Variants in DOCK4 observed in about 807,000 individuals in gnomAD.
The protein encoded by DOCK4 is dedicator of cytokinesis protein 4.
In DOCK4, 97 loss-of-function variants were observed where a neutral mutation model predicts 268.1. The observed-to-expected ratio is 0.36, with a 90% CI of 0.31 to 0.43. The LOEUF is 0.43. Ranked by LOEUF, DOCK4 falls within the 20% of genes least tolerant of loss-of-function variation. The pLI, the probability that DOCK4 is intolerant of heterozygous loss-of-function variation, is 1.00. For synonymous variants in DOCK4, 954 were observed against 887.2 expected (o/e 1.08, Z -1.34); for missense variants, 2,145 against 2,455.7 (o/e 0.87, Z 2.67).
intron 1 of DOCK4, among the ~76,000 whole-genome samples, chr7:112,040,846 A>C (rs1804289210): frequency 6.6e-6 from 1 of 152,232 alleles, no homozygotes; most frequent in South Asian, 2.1e-4. Context: ...ATTGTGCATT[A>C]AATTTGTGCA....
chr7:112,141,176 T>C, intron 1 of DOCK4, among the ~76,000 whole-genome samples: 1 of 152,088 alleles, frequency 6.6e-6, no homozygotes, highest in Non-Finnish European at 1.5e-5. Context: ...AGCTCAGAAG[T>C]TCTCCAAGCT....
At chr7:111,980,874 G>T (rs998226987) in intron 7 of DOCK4, among the ~76,000 whole-genome samples, 1 of 152,186 alleles carries the variant, frequency 6.6e-6, no homozygotes, top group African/African-American at 2.4e-5. Flanking sequence ...AAACCTGCAG[G>T]CACAAATAGG....
At chr7:111,895,844 C>T in intron 15 of DOCK4, 126 bp from the exon 16 acceptor site, 1 of 840,590 alleles carries the variant, frequency 1.2e-6, no homozygotes, top group Non-Finnish European at 1.9e-6. Flanking sequence ...TGCAGCACAG[C>T]TTTTCTGATA....
At chr7:111,808,653 T>C in intron 30 of DOCK4, 168 bp downstream of exon 30, 2 of 618,898 alleles carry the variant, frequency 3.2e-6, no homozygotes, top group East Asian at 2.8e-5. Flanking sequence ...AAAGAATTTG[T>C]TGTAACCTCA....
intron 26 of DOCK4, among the ~76,000 whole-genome samples, chr7:111,833,310 G>A (rs2134019891): frequency 6.6e-6 from 1 of 152,280 alleles, no homozygotes; most frequent in Non-Finnish European, 1.5e-5. Context: ...AGGAGGCTGA[G>A]ATGGGAGGAT....
intron 2 of DOCK4, among the ~76,000 whole-genome samples, chr7:112,000,907 A>C (rs1284349462): frequency 6.6e-6 from 1 of 152,200 alleles, no homozygotes; most frequent in East Asian, 1.9e-4. Context: ...ATGAAAGGCC[A>C]CATTATGTCA....
At chr7:112,112,962 C>T (rs768021672) in intron 1 of DOCK4, among the ~76,000 whole-genome samples, 2 of 152,176 alleles carry the variant, frequency 1.3e-5, no homozygotes, top group Non-Finnish European at 2.9e-5. Flanking sequence ...TGTGAAACAG[C>T]TGACTGTGTA....
chr7:111,838,083 C>T (rs1394471879), intron 25 of DOCK4, among the ~76,000 whole-genome samples: 1 of 114,614 alleles, frequency 8.7e-6, no homozygotes, highest in African/African-American at 4.1e-5. Context: ...CGAAACCCTA[C>T]CTCAAAAAAA....
At position 111,943,285 on chromosome 7, in the gene DOCK4, T is replaced by A. The variant is rs187067571; in HGVS notation, c.844+1526A>T. 3.0e-4 allele frequency among the ~76,000 whole-genome samples: 46 copies of A among 152,324 alleles called. No homozygotes were observed. The East Asian group carries it at 6.2e-3, about 20-fold the overall frequency. On this transcript the variant is annotated intron_variant, in intron 10 of 52. Transcript: ENST00000428084. ...ACACCAAGCATTTGAAAGGCTGCCC[T>A]GTGATGGGCAGTACTACTGAGGCGG... is the stretch of plus-strand genomic sequence containing the variant.
At chr7:112,080,417 TAAAC>T (rs1295588852) in intron 1 of DOCK4, among the ~76,000 whole-genome samples, 7 of 152,210 alleles carry the variant, frequency 4.6e-5, no homozygotes, top group African/African-American at 1.2e-4. Flanking sequence ...AGTTTTTACA[TAAAC>T]AAAATTTTGA....
chr7:111,946,249 T>G (rs17159031), intron 8 of DOCK4, among the ~76,000 whole-genome samples: 1 of 152,196 alleles, frequency 6.6e-6, no homozygotes, highest in South Asian at 2.1e-4. Context: ...TTTATGGTCT[T>G]ATAAGTCTCC....
At chr7:111,760,096 G>A in intron 40 of DOCK4, 85 bp downstream of exon 40, 2 of 1,541,882 alleles carry the variant, frequency 1.3e-6, no homozygotes, top group Non-Finnish European at 1.8e-6. Context: ...AAAGGGACTG[G>A]TGGCTGAACA....
Position 112,206,284 on chromosome 7 carries a change from G to T in DOCK4, c.-146C>A. The T allele has an allele frequency of 4.6e-6, 4 of 863,796 alleles. No individual in the cohort carries two copies. The highest frequency in any genetic ancestry group is 2.7e-4 in the Middle Eastern group (1 of 3,654). The allele number at this position is 863,796 out of a possible 1,614,324, so 53.5% of individuals were successfully genotyped here. On this transcript the variant is annotated 5_prime_UTR_variant, in exon 1 of 53. Transcript: ENST00000428084. ...GCGGGCGCTGGGCAGGATCTGCGCT[G>T]GAGGCTCCCGAGCCCAGCGTTGACA... is the stretch of plus-strand genomic sequence containing the variant.
At chr7:111,816,761 T>C (rs1420110342) in intron 27 of DOCK4, among the ~76,000 whole-genome samples, 2 of 152,224 alleles carry the variant, frequency 1.3e-5, no homozygotes, top group Non-Finnish European at 2.9e-5. Flanking sequence ...TTATACTTGT[T>C]TGCCATATTA....
intron 10 of DOCK4, 113 bp downstream of exon 10, chr7:111,944,698 G>T: frequency 9.7e-7 from 1 of 1,029,216 alleles, no homozygotes; most frequent in Non-Finnish European, 1.5e-6. Flanking sequence ...ATTCAAATCT[G>T]GCTTTGATAT....
At chr7:112,097,605 G>A (rs1317354857) in intron 1 of DOCK4, among the ~76,000 whole-genome samples, 1 of 152,176 alleles carries the variant, frequency 6.6e-6, no homozygotes, top group African/African-American at 2.4e-5. Context: ...CTGGCCTTCT[G>A]TAGAATAAAC....
chr7:111,903,018 T>G (rs1791273846), intron 13 of DOCK4, among the ~76,000 whole-genome samples: 1 of 151,994 alleles, frequency 6.6e-6, no homozygotes, highest in Non-Finnish European at 1.5e-5. Flanking sequence ...TACTCTGTTT[T>G]CTAATAAAAA....
intron 1 of DOCK4, among the ~76,000 whole-genome samples, chr7:112,197,675 G>A (rs1338054282): frequency 4.6e-5 from 7 of 152,166 alleles, no homozygotes; most frequent in African/African-American, 1.4e-4. Context: ...GATGACTGCT[G>A]TTTGAAATTT....
intron 1 of DOCK4, among the ~76,000 whole-genome samples, chr7:112,072,404 G>A (rs1344203814): frequency 6.6e-6 from 1 of 152,194 alleles, no homozygotes; most frequent in Non-Finnish European, 1.5e-5. Flanking sequence ...CAGATGTGTT[G>A]TGTAATTTAG....
Sources: gnomAD v4.1 joint callset for allele counts (sites outside exome capture counted in the v4.1 genomes callset) on GRCh38, gnomAD v4.1.1 for gene constraint, MANE v1.5 for transcripts, NCBI Gene and HGNC (gene_info 2026-07-23, HGNC 2026-07-21) for gene names.